BOC: variants seen among roughly 807,000 people sequenced by gnomAD.
The protein encoded by BOC is BOC cell adhesion associated, oncogene regulated, also known as brother of CDO.
BOC carries 76 observed loss-of-function variants against 112.0 expected under a neutral mutation model. The observed-to-expected ratio is 0.68, with a 90% CI of 0.56 to 0.82. The LOEUF (loss-of-function observed/expected upper bound fraction) is 0.82. BOC is among the 40% of genes least tolerant of loss of function. The pLI is 0.00. For synonymous variants in BOC, 580 were observed against 599.8 expected, an observed-to-expected ratio of 0.97 and a Z score of 0.48; for missense variants, 1,309 against 1,511.7, an observed-to-expected ratio of 0.87 and a Z score of 2.22.
At chr3:113,267,968 C>A (rs1401945003) in intron 4 of BOC, among the ~76,000 whole-genome samples, 1 of 151,784 alleles carries the variant, frequency 6.6e-6, no homozygotes, top group East Asian at 1.9e-4. Flanking sequence ...TACTTTGACC[C>A]CCCCCCATTT....
chr3:113,253,921 C>G (rs1337164707), intron 4 of BOC, among the ~76,000 whole-genome samples: 1 of 152,194 alleles, frequency 6.6e-6, no homozygotes, highest in Non-Finnish European at 1.5e-5. Context: ...TGTAGAGACT[C>G]AAGACCATAA....
In BOC at chr3:113,279,952, T is replaced by C. The variant is rs1168917236; in HGVS notation, c.2152T>C (p.Tyr718His). Residue 718 changes from tyrosine (Y) to histidine (H), a missense_variant, in exon 13 of 20, where the codon TAT (tyrosine) becomes CAT (histidine). Physicochemically the swap from Tyr to His is moderately conservative, Grantham distance 83. Transcript: ENST00000682979. ...RVYERPVAGP[Y>H]ITFTDAVNET... ...GTACGAGAGGCCCGTGGCAGGTCCTTATATCACCTTCACGGATGCGGTCAA... is the reference window on the plus strand; with the variant it reads ...GTACGAGAGGCCCGTGGCAGGTCCTCATATCACCTTCACGGATGCGGTCAA... 1 of 1,613,604 alleles carries C rather than the reference T, an allele frequency of 6.2e-7. No individual in the cohort carries two copies. Among genetic ancestry groups the C allele is most frequent in the Non-Finnish European group, 8.5e-7 (1 of 1,179,876 alleles).
In BOC at chr3:113,280,777, C is replaced by T. The variant is rs994814791; in HGVS notation, c.2311+114C>T. 103 of 945,520 alleles carry T rather than the reference C, an allele frequency of 1.1e-4. 1 individual carries two copies. The highest frequency in any genetic ancestry group is 4.1e-4 in the Admixed American group (22 of 53,166). 58.6% of individuals were successfully genotyped at this position (945,520 alleles called of 1,614,324 possible). ...GCATAAACCTGCATCTGGTGTGACA[C>T]GAAGCTCTAAGCTCCGTGTCATTGA... On this transcript the variant is annotated intron_variant, in intron 14 of 19. Coordinates refer to ENST00000682979, the MANE Select transcript of BOC (RefSeq NM_001378074.1).
chr3:113,246,585 C>T (rs1384536815), intron 2 of BOC, among the ~76,000 whole-genome samples: 1 of 152,106 alleles, frequency 6.6e-6, no homozygotes, highest in Non-Finnish European at 1.5e-5. Flanking sequence ...CTCACTTTCC[C>T]CAGATACTAA....
At chr3:113,267,184 C>T (rs1374364044) in intron 4 of BOC, among the ~76,000 whole-genome samples, 1 of 152,158 alleles carries the variant, frequency 6.6e-6, no homozygotes, top group Non-Finnish European at 1.5e-5. Flanking sequence ...CTGTCTTATA[C>T]TCCATTAGTT....
At chr3:113,281,181 T>C (rs1009406405) in intron 15 of BOC, 28 bp downstream of exon 15, 1 of 1,611,122 alleles carries the variant, frequency 6.2e-7, no homozygotes, top group Middle Eastern at 1.7e-4. Flanking sequence ...CTCTCTCCTG[T>C]CTTGGTGTTT....
intron 2 of BOC, among the ~76,000 whole-genome samples, chr3:113,225,585 G>A (rs1941536192): frequency 2.0e-5 from 3 of 152,216 alleles, no homozygotes; most frequent in African/African-American, 7.2e-5. Context: ...CCTACCCCAT[G>A]TAAGTGCAGT....
intron 4 of BOC, among the ~76,000 whole-genome samples, chr3:113,258,015 G>A (rs1406384077): frequency 1.3e-5 from 2 of 152,194 alleles, no homozygotes; most frequent in African/African-American, 4.8e-5. Flanking sequence ...TAGTCATAAA[G>A]CAAGCCAGCC....
At position 113,250,464 on chromosome 3, in the gene BOC, T is replaced by C. The variant is rs1212388431; in HGVS notation, c.98-91T>C. On this transcript the variant is annotated intron_variant, in intron 3 of 19. Coordinates refer to ENST00000682979, the MANE Select transcript of BOC (RefSeq NM_001378074.1). ...GACCAGCTTCTCTGGTGGCCACTTC[T>C]GGAAGACTTCCTGGGTGCAGTGCTT... 2.0e-6 allele frequency: 3 copies of C among 1,468,390 alleles called. No homozygotes were observed. The Middle Eastern group carries it at 7.2e-4, about 351-fold the overall frequency. 91.0% of individuals were successfully genotyped at this position (1,468,390 alleles called of 1,614,324 possible).
At chr3:113,283,287 G>A in intron 15 of BOC, 124 bp from the exon 16 acceptor site, 1 of 935,998 alleles carries the variant, frequency 1.1e-6, no homozygotes, top group African/African-American at 1.7e-5. Flanking sequence ...AGATTTTGAG[G>A]CCCAATCTAG....
intron 3 of BOC, 90 bp from the exon 4 acceptor site, chr3:113,250,464 TG>T: frequency 6.8e-7 from 1 of 1,468,390 alleles, no homozygotes. Flanking sequence ...TGGCCACTTC[TG>T]GAAGACTTCC....
chr3:113,221,579 C>A (rs1389138067), intron 2 of BOC, among the ~76,000 whole-genome samples: 2 of 152,166 alleles, frequency 1.3e-5, no homozygotes, highest in African/African-American at 4.8e-5. Flanking sequence ...TTTAAATTGG[C>A]CAGTAATATT....
intron 4 of BOC, among the ~76,000 whole-genome samples, chr3:113,255,107 T>C (rs1299654138): frequency 1.3e-5 from 2 of 150,372 alleles, no homozygotes; most frequent in Non-Finnish European, 3.0e-5. Flanking sequence ...ACCTAAACTT[T>C]AAAAAAAAAA....
At chr3:113,268,884 C>T (rs899764043) in intron 5 of BOC, among the ~76,000 whole-genome samples, 1 of 152,222 alleles carries the variant, frequency 6.6e-6, no homozygotes, top group Non-Finnish European at 1.5e-5. Flanking sequence ...GCTTGAGCCA[C>T]CATGCTTGGT....
chr3:113,284,514 G>A lies in BOC; in HGVS notation c.2836G>A (p.Val946Met), dbSNP rs1400777064. The change falls in exon 17 of 20, where the codon GTG becomes ATG. Residue 946 changes from valine to methionine, a missense_variant. Physicochemically the swap from Val to Met is conservative, Grantham distance 21 (BLOSUM62 1). Transcript: ENST00000682979. The part of the protein sequence containing the change: ...HMNRGCPSAA[V>M]GYPGMKPQQH... ...GAATAGGGGCTGCCCCTCGGCTGCAGTGGGCTACCCGGGCATGAAGCCCCA... is the reference window on the plus strand; with the variant it reads ...GAATAGGGGCTGCCCCTCGGCTGCAATGGGCTACCCGGGCATGAAGCCCCA... 4 of 1,614,088 alleles carry A rather than the reference G, an allele frequency of 2.5e-6. No individual in the cohort carries two copies. Among genetic ancestry groups the A allele is most frequent in the Middle Eastern group, 1.6e-4 (1 of 6,062 alleles).
intron 15 of BOC, among the ~76,000 whole-genome samples, chr3:113,281,607 C>T (rs1418643377): frequency 6.6e-6 from 1 of 152,170 alleles, no homozygotes; most frequent in African/African-American, 2.4e-5. Context: ...CAAGACCAGC[C>T]CCTTTCTGTT....
intron 2 of BOC, among the ~76,000 whole-genome samples, chr3:113,235,036 C>G (rs1943233781): frequency 6.6e-6 from 1 of 152,200 alleles, no homozygotes; most frequent in South Asian, 2.1e-4. Context: ...GGTCGCTAGT[C>G]AAATGGGATT....
chr3:113,218,889 A>C (rs1017856471), intron 2 of BOC, among the ~76,000 whole-genome samples: 1 of 152,154 alleles, frequency 6.6e-6, no homozygotes, highest in African/African-American at 2.4e-5. Flanking sequence ...CAATGGGAGA[A>C]GGGGGGTGGG....
chr3:113,274,295 CT>C lies in BOC; in HGVS notation c.1235-79del. On this transcript the variant is annotated intron_variant, in intron 8 of 19. Coordinates refer to ENST00000682979, the MANE Select transcript of BOC (RefSeq NM_001378074.1). The surrounding 1 kb of genome is among the most constrained non-coding windows in gnomAD (Gnocchi z 4.8). Reference sequence around the variant, plus strand: ...CCCAGGTTGCCTCTCTGTCTTCTTTCTGTTTTCTCCCCAGGAACAACAGCTC... The same window carrying C: ...CCCAGGTTGCCTCTCTGTCTTCTTTCGTTTTCTCCCCAGGAACAACAGCTC... The C allele has an allele frequency of 7.2e-7, 1 of 1,384,962 alleles. No homozygotes were observed. The highest frequency in any genetic ancestry group is 9.6e-7 in the Non-Finnish European group (1 of 1,044,250). 85.8% of individuals were successfully genotyped at this position (1,384,962 alleles called of 1,614,324 possible). A position where few individuals can be genotyped will look rare whatever the true frequency, so the allele number is the denominator to read the frequency against.
Sources: gnomAD v4.1 joint callset for allele counts (sites outside exome capture counted in the v4.1 genomes callset) on GRCh38, gnomAD v4.1.1 for gene constraint, Gnocchi (gnomAD v3.1) non-coding constraint, MANE v1.5 for transcripts, NCBI Gene and HGNC (gene_info 2026-07-23, HGNC 2026-07-21) for gene names.